RNF44: variants seen among roughly 807,000 people sequenced by gnomAD.
RNF44 encodes the protein ring finger protein 44.
Under a neutral mutation model 53.6 loss-of-function variants are expected in RNF44, and 25 were observed. The ratio of observed to expected loss-of-function variants is 0.47; its 90% confidence interval spans 0.34 to 0.65. The LOEUF (loss-of-function observed/expected upper bound fraction) is 0.65, where lower values mean the gene tolerates loss of function less well. Among genes scored for constraint, RNF44 ranks in the 30% least tolerant of loss-of-function variants. The pLI is 0.01. For synonymous variants in RNF44, 282 were observed against 252.2 expected, an observed-to-expected ratio of 1.12 and a Z score of -1.12; for missense variants, 581 against 595.5, an observed-to-expected ratio of 0.98 and a Z score of 0.25.
At chr5:176,529,924 G>A (rs867368415) in intron 7 of RNF44, 106 bp from the exon 8 acceptor site, 17 of 1,390,378 alleles carry the variant, frequency 1.2e-5, no homozygotes, top group Middle Eastern at 1.9e-4. Flanking sequence ...ACGTTGCAGC[G>A]GGGAAGGGAG....
At position 176,529,650 on chromosome 5, in the gene RNF44, T is replaced by G. The variant is rs1361296710; in HGVS notation, c.1015-6A>C. ...TCGGCCAGGTTCAGGAGGGCCTGCA[T>G]GCGGGCAGGAGACGGGGTCAGCGGC... is the stretch of plus-strand genomic sequence containing the variant. On this transcript the variant is annotated splice_polypyrimidine_tract_variant and splice_region_variant and intron_variant, in intron 8 of 10. Coordinates refer to ENST00000274811, the MANE Select transcript of RNF44 (RefSeq NM_014901.5). 4 of 1,613,546 alleles carry G rather than the reference T, an allele frequency of 2.5e-6. No homozygotes were observed. Among genetic ancestry groups the G allele is most frequent in the Non-Finnish European group, 3.4e-6 (4 of 1,179,854 alleles).
chr5:176,532,726 G>A (rs1487830794), intron 1 of RNF44, among the ~76,000 whole-genome samples: 2 of 129,058 alleles, frequency 1.5e-5, no homozygotes, highest in East Asian at 4.5e-4. Context: ...CTAGTCTGGT[G>A]ACAGAGCGAG....
rs1756279983 is a variant in RNF44 at position 176,528,820 on chromosome 5, C to T, written c.*208G>A. On this transcript the variant is annotated 3_prime_UTR_variant, in exon 11 of 11. Transcript: ENST00000274811. Reference sequence around the variant, plus strand: ...GCTCCGTGGCGGGCGGGCAGGCAGGCAGACTAGGGAGGGAGTCTTTGGAGC... The same window carrying T: ...GCTCCGTGGCGGGCGGGCAGGCAGGTAGACTAGGGAGGGAGTCTTTGGAGC... 5 of 595,518 alleles carry T rather than the reference C, an allele frequency of 8.4e-6. 1 individual carries two copies. The South Asian group carries it at 1.0e-4, about 12-fold the overall frequency. The allele number at this position is 595,518 out of a possible 1,614,324, so 36.9% of individuals were successfully genotyped here. A position where few individuals can be genotyped will look rare whatever the true frequency, so the allele number is the denominator to read the frequency against.
Position 176,529,746 on chromosome 5 carries a change from C to T in RNF44, c.999G>A (p.Glu333=). 1 of 1,612,388 alleles carries T rather than the reference C, an allele frequency of 6.2e-7. No homozygotes were observed. Among genetic ancestry groups the T allele is most frequent in the Non-Finnish European group, 8.5e-7 (1 of 1,179,132 alleles). The part of the protein sequence containing the change: ...ISLDLDVDDV[E]MENYEALLNL... ...TCCATGGGACCTCATAGTTCTCCAT[C>T]TCCACATCATCCACGTCCAGGTCCA... is the stretch of plus-strand genomic sequence containing the variant. Residue 333 remains glutamate (E), a synonymous_variant, in exon 8 of 11, where the codon GAG becomes GAA. Transcript: ENST00000274811.
At chr5:176,541,008 A>G (rs1401612005), upstream of RNF44, among the ~76,000 whole-genome samples, 1 of 152,090 alleles carries the variant, frequency 6.6e-6, no homozygotes, top group Non-Finnish European at 1.5e-5. Flanking sequence ...CTGCACACCT[A>G]CTGTGCGAGC....
rs113343791 is a variant in RNF44, at chr5:176,532,414, C to T, written c.59G>A (p.Arg20Gln). 7.5e-6 allele frequency: 12 copies of T among 1,607,224 alleles called. No homozygotes were observed. Among genetic ancestry groups the T allele is most frequent in the African/African-American group, 4.0e-5 (3 of 74,732 alleles). Residue 20 changes from arginine to glutamine, a missense_variant, in exon 2 of 11, where the codon CGG becomes CAG. This residue lies in a region of RNF44 where 387 missense variants were observed against 366.0 expected (regional missense o/e 1.06). Transcript: ENST00000274811. Reference sequence around the variant, plus strand: ...GCTGCCAGGTCCCGCAGAGAATCGCCGCTGGCCCACGGGGGCGGAGGGTGG... The same window carrying T: ...GCTGCCAGGTCCCGCAGAGAATCGCTGCTGGCCCACGGGGGCGGAGGGTGG... ...RWPPSAPVGQ[R>Q]RFSAGPGSTP... is the part of the protein sequence containing the mutation.
intron 10 of RNF44, 83 bp from the exon 11 acceptor site, chr5:176,529,173 G>A (rs1383810812): frequency 1.1e-5 from 18 of 1,572,474 alleles, no homozygotes; most frequent in Middle Eastern, 3.3e-4. Context: ...GACTTGGTCC[G>A]CTGGAGCCAG....
upstream of RNF44, among the ~76,000 whole-genome samples, chr5:176,540,756 C>G (rs1329159366): frequency 6.6e-6 from 1 of 152,316 alleles, no homozygotes; most frequent in Admixed American, 6.5e-5. Context: ...CTCAGTAAAT[C>G]CCCAGTCATT....
At chr5:176,537,701 C>G (rs1434875013), upstream of RNF44, 1 of 152,248 alleles carries the variant, frequency 6.6e-6, no homozygotes, top group Non-Finnish European at 1.5e-5. Flanking sequence ...GAAATGGGTC[C>G]CGCCAGGAGA....
At position 176,532,560 on chromosome 5, in the gene RNF44, T is replaced by G; in HGVS notation, c.-44-44A>C. On this transcript the variant is annotated intron_variant, in intron 1 of 10. Coordinates refer to ENST00000274811, the MANE Select transcript of RNF44 (RefSeq NM_014901.5). ...AGAAGACTGAGGCACCTGGCCAACA[T>G]GGTGAAACCTCGTCTCTGCTAAAAA... is the stretch of plus-strand genomic sequence containing the variant. 1.4e-6 allele frequency: 2 copies of G among 1,431,704 alleles called. 1 individual carries two copies. The highest frequency in any genetic ancestry group is 2.9e-5 in the South Asian group (2 of 70,068). The allele number at this position is 1,431,704 out of a possible 1,614,324, so 88.7% of individuals were successfully genotyped here. A position where few individuals can be genotyped will look rare whatever the true frequency, so the allele number is the denominator to read the frequency against.
upstream of RNF44, among the ~76,000 whole-genome samples, chr5:176,541,011 G>A (rs113865290): frequency 7.2e-3 from 1,095 of 152,320 alleles, 10 homozygotes; most frequent in African/African-American, 0.025. Context: ...CACACCTACT[G>A]TGCGAGCCTT....
At chr5:176,541,436 C>A (rs1348760795), upstream of RNF44, among the ~76,000 whole-genome samples, 2 of 152,172 alleles carry the variant, frequency 1.3e-5, no homozygotes, top group African/African-American at 4.8e-5. Context: ...GGTTGCTGAA[C>A]AACCAAATGC....
chr5:176,529,101 A>G lies in RNF44; in HGVS notation c.1237-11T>C, dbSNP rs1238087448. The G allele has an allele frequency of 1.1e-5, 18 of 1,612,986 alleles. No individual in the cohort carries two copies. Among genetic ancestry groups the G allele is most frequent in the Non-Finnish European group, 1.4e-5 (17 of 1,179,966 alleles). ...ACACGTCCGGTTGGCCTGTGGGAAC[A>G]TGCACGTCAGGCGTTGCTCTCACCA... On this transcript the variant is annotated splice_polypyrimidine_tract_variant and intron_variant, in intron 10 of 10. Transcript: ENST00000274811.
intron 1 of RNF44, 124 bp downstream of exon 1, chr5:176,536,816 G>A (rs1483712762): frequency 6.6e-6 from 1 of 152,214 alleles, no homozygotes; most frequent in Admixed American, 6.5e-5. Context: ...GCTGCCCGCA[G>A]TCTGGACCGC....
chr5:176,531,771 G>C lies in RNF44; in HGVS notation c.298-141C>G. On this transcript the variant is annotated intron_variant, in intron 3 of 10. Transcript: ENST00000274811. The surrounding 1 kb of genome is among the most constrained non-coding windows in gnomAD (Gnocchi z 4.2). The stretch of plus-strand genomic sequence containing the variant: ...GGCCTACCTCAGTGCAGACCAGACT[G>C]TGCCTCTACTCCCAGGCCCCCGGGG... 1.1e-6 allele frequency: 1 copy of C among 930,948 alleles called. No homozygotes were observed. The highest frequency in any genetic ancestry group is 1.6e-6 in the Non-Finnish European group (1 of 634,588). 57.7% of individuals were successfully genotyped at this position (930,948 alleles called of 1,614,324 possible).
Position 176,531,091 on chromosome 5 carries a change from C to T in RNF44, c.466-70G>A. On this transcript the variant is annotated intron_variant, in intron 4 of 10. Coordinates refer to ENST00000274811, the MANE Select transcript of RNF44 (RefSeq NM_014901.5). The surrounding 1 kb of genome is among the most constrained non-coding windows in gnomAD (Gnocchi z 4.2). ...CTGGGCCAGGTCTACGCCATGCCACCCAGCAAAAGGCCCCCACCGGGCACA... is the reference window on the plus strand; with the variant it reads ...CTGGGCCAGGTCTACGCCATGCCACTCAGCAAAAGGCCCCCACCGGGCACA... The T allele has an allele frequency of 1.7e-6, 2 of 1,169,488 alleles. No homozygotes were observed. The highest frequency in any genetic ancestry group is 4.1e-5 in the South Asian group (2 of 48,574). The allele number at this position is 1,169,488 out of a possible 1,614,324, so 72.4% of individuals were successfully genotyped here.
rs922507818 is a variant in RNF44 at position 176,531,374 on chromosome 5, C to G, written c.465+89G>C. 14 of 1,325,994 alleles carry G rather than the reference C, an allele frequency of 1.1e-5. No homozygotes were observed. Among genetic ancestry groups the G allele is most frequent in the Non-Finnish European group, 1.4e-5 (14 of 978,618 alleles). 82.1% of individuals were successfully genotyped at this position (1,325,994 alleles called of 1,614,324 possible). ...GCCTGGATGGCTGGATAGCTCAGCC[C>G]AGTTCAGGGCTGCCCTGGGCCCGCT... On this transcript the variant is annotated intron_variant, in intron 4 of 10. Transcript: ENST00000274811. The surrounding 1 kb of genome is among the most constrained non-coding windows in gnomAD (Gnocchi z 4.2).
At chr5:176,534,721 A>T (rs1238388336) in intron 1 of RNF44, among the ~76,000 whole-genome samples, 1 of 152,218 alleles carries the variant, frequency 6.6e-6, no homozygotes, top group Non-Finnish European at 1.5e-5. Flanking sequence ...TCACCATAAT[A>T]ACCATGCTGT....
At chr5:176,535,963 C>A (rs1437411533) in intron 1 of RNF44, 1 of 152,300 alleles carries the variant, frequency 6.6e-6, no homozygotes, top group African/African-American at 2.4e-5. Flanking sequence ...GAGAGCCGGC[C>A]AACCCCTTAA....
Sources: allele counts gnomAD v4.1 joint callset (sites outside exome capture counted in the v4.1 genomes callset), GRCh38; gene constraint gnomAD v4.1.1; regional missense constraint gnomAD v4.1.1; non-coding constraint Gnocchi (gnomAD v3.1); transcripts MANE v1.5; gene names NCBI Gene and HGNC (gene_info 2026-07-23, HGNC 2026-07-21).